CNTN5: variants seen among roughly 807,000 people sequenced by gnomAD.
CNTN5 encodes contactin-5.
A neutral mutation model predicts 129.1 loss-of-function variants in CNTN5; 77 were observed. That is an observed-to-expected ratio of 0.60 (90% confidence interval 0.50 to 0.72). The LOEUF (loss-of-function observed/expected upper bound fraction) is 0.72. CNTN5 is among the 30% of genes least tolerant of loss of function. The pLI is 0.00. For missense variants in CNTN5, 1,478 were observed against 1,328.8 expected (o/e 1.11, Z -1.75); for synonymous variants, 509 against 465.6 (o/e 1.09, Z -1.20).
Position 100,105,625 on chromosome 11 carries a change from G to A in CNTN5, c.1580+31331G>A, listed in dbSNP as rs531304737. On this transcript the variant is annotated intron_variant, in intron 13 of 24. Coordinates refer to ENST00000524871, the MANE Select transcript of CNTN5 (RefSeq NM_014361.4). ...TAGCACTTTTCCCACTGAGTCCCCTGTTGTTCTAAGTCTGCCTTTGATGAG... is the reference window on the plus strand; with the variant it reads ...TAGCACTTTTCCCACTGAGTCCCCTATTGTTCTAAGTCTGCCTTTGATGAG... Among the ~76,000 whole-genome samples the A allele has an allele frequency of 4.9e-4, 74 of 152,278 alleles. 1 individual carries two copies. The South Asian group carries it at 5.2e-3, about 11-fold the overall frequency.
At chr11:100,141,833 T>C (rs2138258901) in intron 13 of CNTN5, among the ~76,000 whole-genome samples, 1 of 152,224 alleles carries the variant, frequency 6.6e-6, no homozygotes, top group Admixed American at 6.5e-5. Flanking sequence ...TTTGACTGGA[T>C]TAAAGGATAC....
intron 3 of CNTN5, among the ~76,000 whole-genome samples, chr11:99,663,121 AAAG>A (rs1952656880): frequency 4.0e-5 from 1 of 25,134 alleles, no homozygotes; most frequent in Admixed American, 6.9e-4. Flanking sequence ...AGTCTGATAG[AAAG>A]CTGCAATGTT....
At chr11:99,159,624 A>C (rs1256565901) in intron 1 of CNTN5, among the ~76,000 whole-genome samples, 1 of 152,220 alleles carries the variant, frequency 6.6e-6, no homozygotes. Flanking sequence ...TCTGTCTCAA[A>C]AGATAAATAA....
chr11:99,556,142 C>A lies in CNTN5; in HGVS notation c.-70-3C>A. ...TAAGAAAATTGTTATCTATCTCAAA[C>A]AGGGCACTCTTTAATGAAGAAACAC... On this transcript the variant is annotated splice_region_variant and splice_polypyrimidine_tract_variant and intron_variant, in intron 2 of 24. Coordinates refer to ENST00000524871, the MANE Select transcript of CNTN5 (RefSeq NM_014361.4). The A allele has an allele frequency of 2.5e-6, 2 of 815,460 alleles. No homozygotes were observed. Among genetic ancestry groups the A allele is most frequent in the Non-Finnish European group, 3.7e-6 (2 of 537,208 alleles). The allele number at this position is 815,460 out of a possible 1,614,324, so 50.5% of individuals were successfully genotyped here.
chr11:99,358,395 G>GC (rs765869685), intron 2 of CNTN5, among the ~76,000 whole-genome samples: 1 of 122,822 alleles, frequency 8.1e-6, no homozygotes, highest in African/African-American at 3.0e-5. Flanking sequence ...CCGAAACCCT[G>GC]TCTCTACTAC....
chr11:100,347,011 G>A lies in CNTN5; in HGVS notation c.3031-3691G>A, dbSNP rs137872014. On this transcript the variant is annotated intron_variant, in intron 23 of 24. Transcript: ENST00000524871. ...TTACTCACTATCATGAGAATAGCACGGGAAAGACCTGTCCCCATGATTCAG... is the reference window on the plus strand; with the variant it reads ...TTACTCACTATCATGAGAATAGCACAGGAAAGACCTGTCCCCATGATTCAG... Among the ~76,000 whole-genome samples, 598 of 152,134 alleles carry A rather than the reference G, an allele frequency of 3.9e-3. 6 individuals carry two copies. Among genetic ancestry groups the A allele is most frequent in the African/African-American group, 0.014 (581 of 41,522 alleles).
intron 1 of CNTN5, among the ~76,000 whole-genome samples, chr11:99,163,497 A>T (rs1222127630): frequency 6.6e-6 from 1 of 152,114 alleles, no homozygotes; most frequent in Non-Finnish European, 1.5e-5. Flanking sequence ...TTAACACTCA[A>T]TGAAATTAGT....
chr11:99,487,189 C>A (rs563843225), intron 2 of CNTN5, among the ~76,000 whole-genome samples: 2 of 152,214 alleles, frequency 1.3e-5, no homozygotes, highest in South Asian at 2.1e-4. Flanking sequence ...GTTACCATCA[C>A]GTGTCCACCA....
chr11:100,015,787 C>CT (rs1030974991), intron 9 of CNTN5, among the ~76,000 whole-genome samples: 10 of 151,908 alleles, frequency 6.6e-5, no homozygotes, highest in South Asian at 2.1e-4. Context: ...AAAGCATAGG[C>CT]TTTTTTTAAA....
Position 100,271,089 on chromosome 11 carries a change from T to C in CNTN5, c.2165-3T>C, listed in dbSNP as rs1240882773. 2 of 1,592,852 alleles carry C rather than the reference T, an allele frequency of 1.3e-6. No homozygotes were observed. Among genetic ancestry groups the C allele is most frequent in the Admixed American group, 1.9e-5 (1 of 53,718 alleles). The stretch of plus-strand genomic sequence containing the variant: ...TGACATGAAATTTCCTTCCTTTCTA[T>C]AGTCCCAGAAATCATAACAGGGGAC... On this transcript the variant is annotated splice_region_variant and splice_polypyrimidine_tract_variant and intron_variant, in intron 17 of 24. Transcript: ENST00000524871.
At chr11:99,654,368 T>C (rs1304750612) in intron 3 of CNTN5, among the ~76,000 whole-genome samples, 2 of 152,052 alleles carry the variant, frequency 1.3e-5, no homozygotes, top group African/African-American at 2.4e-5. Context: ...GCTTCTTAAA[T>C]AGGCCATTGG....
chr11:99,355,763 G>A (rs139237469), intron 2 of CNTN5, among the ~76,000 whole-genome samples: 50 of 151,284 alleles, frequency 3.3e-4, no homozygotes, highest in African/African-American at 1.1e-3. Context: ...CTATAATATC[G>A]GCCTTAACTA....
intron 9 of CNTN5, among the ~76,000 whole-genome samples, chr11:100,060,767 A>G (rs949554382): frequency 2.3e-4 from 35 of 151,398 alleles, no homozygotes; most frequent in African/African-American, 8.5e-4. Context: ...AGCCTCCAGA[A>G]TAGCTGGGAT....
intron 9 of CNTN5, among the ~76,000 whole-genome samples, chr11:100,059,912 T>C (rs1346581305): frequency 6.6e-6 from 1 of 152,056 alleles, no homozygotes; most frequent in African/African-American, 2.4e-5. Flanking sequence ...TTTTTAATGA[T>C]TAAAAAAAGA....
intron 2 of CNTN5, among the ~76,000 whole-genome samples, chr11:99,364,686 T>C (rs969866290): frequency 3.3e-5 from 5 of 152,132 alleles, no homozygotes; most frequent in Admixed American, 2.6e-4. Context: ...ATTTATTTCA[T>C]AAGAATAAGA....
intron 1 of CNTN5, among the ~76,000 whole-genome samples, chr11:99,238,760 G>T (rs1247787499): frequency 6.6e-6 from 1 of 152,080 alleles, no homozygotes; most frequent in African/African-American, 2.4e-5. Flanking sequence ...ACATACAAGT[G>T]CATGATCTGC....
chr11:99,287,968 G>A lies in CNTN5; in HGVS notation c.-209-37378G>A, dbSNP rs186130284. Reference sequence around the variant, plus strand: ...ATTGCGACAATCAAATGCTCTTCTCGTTTAATTCCACATTCTCAAGGACCC... The same window carrying A: ...ATTGCGACAATCAAATGCTCTTCTCATTTAATTCCACATTCTCAAGGACCC... On this transcript the variant is annotated intron_variant, in intron 1 of 24. Transcript: ENST00000524871. 1.9e-3 allele frequency among the ~76,000 whole-genome samples: 292 copies of A among 152,018 alleles called. 1 individual carries two copies. The highest frequency in any genetic ancestry group is 2.8e-3 in the Non-Finnish European group (187 of 67,854).
intron 2 of CNTN5, among the ~76,000 whole-genome samples, chr11:99,389,538 T>G (rs1591613411): frequency 1.3e-5 from 2 of 152,204 alleles, no homozygotes. Flanking sequence ...AAATGAATAC[T>G]TTTTCCCTTT....
At chr11:100,304,584 A>G (rs570406230) in intron 20 of CNTN5, among the ~76,000 whole-genome samples, 2 of 151,700 alleles carry the variant, frequency 1.3e-5, no homozygotes, top group Admixed American at 1.3e-4. Flanking sequence ...ATCTAGAAAT[A>G]GCCCAAATGG....
Sources: allele counts gnomAD v4.1 joint callset (sites outside exome capture counted in the v4.1 genomes callset), GRCh38; gene constraint gnomAD v4.1.1; transcripts MANE v1.5; gene names NCBI Gene and HGNC (gene_info 2026-07-23, HGNC 2026-07-21).